NEK11: variants seen among roughly 807,000 people sequenced by gnomAD.
The protein encoded by NEK11 is serine/threonine-protein kinase Nek11.
In NEK11, 72 loss-of-function variants were observed where a neutral mutation model predicts 80.7. That is an observed-to-expected ratio of 0.89 (90% CI 0.74 to 1.08). The LOEUF is 1.08. Ranked by LOEUF, NEK11 falls within the 50% of genes least tolerant of loss-of-function variation. NEK11 has a pLI of 0.00. For missense variants in NEK11, 764 were observed against 763.6 expected (o/e 1.00, Z -0.01); for synonymous variants, 251 against 260.7 (o/e 0.96, Z 0.36).
At chr3:131,299,697 G>T (rs2096640007) in intron 17 of NEK11, among the ~76,000 whole-genome samples, 1 of 152,164 alleles carries the variant, frequency 6.6e-6, no homozygotes. Context: ...TTACTGCAAA[G>T]GATATGATCT....
At chr3:131,256,223 A>G (rs1035099231) in intron 16 of NEK11, among the ~76,000 whole-genome samples, 22 of 152,298 alleles carry the variant, frequency 1.4e-4, no homozygotes, top group African/African-American at 5.1e-4. Flanking sequence ...TGTTCTTACC[A>G]CGATGAAATG....
At chr3:131,249,485 G>A (rs1299628898) in intron 16 of NEK11, among the ~76,000 whole-genome samples, 1 of 152,080 alleles carries the variant, frequency 6.6e-6, no homozygotes, top group African/African-American at 2.4e-5. Flanking sequence ...CCACAGTCAA[G>A]ACAGAAGAAA....
At chr3:131,137,037 C>T (rs1447760231) in intron 7 of NEK11, among the ~76,000 whole-genome samples, 2 of 152,142 alleles carry the variant, frequency 1.3e-5, no homozygotes, top group African/African-American at 2.4e-5. Context: ...TTGTAGCCCC[C>T]ATATTCTTTG....
intron 17 of NEK11, among the ~76,000 whole-genome samples, chr3:131,302,284 C>A (rs2096669965): frequency 6.6e-6 from 1 of 151,654 alleles, no homozygotes; most frequent in Non-Finnish European, 1.5e-5. Flanking sequence ...GTGTATCAGT[C>A]TTATTTACTC....
chr3:131,158,380 G>A (rs1483544430), intron 10 of NEK11, among the ~76,000 whole-genome samples: 1 of 152,102 alleles, frequency 6.6e-6, no homozygotes, highest in Non-Finnish European at 1.5e-5. Context: ...ACACTGCCCT[G>A]CTACTGCTGC....
chr3:131,317,774 AAGG>A (rs1211307501), intron 17 of NEK11, among the ~76,000 whole-genome samples: 1,820 of 108,778 alleles, frequency 0.017, 61 homozygotes, highest in African/African-American at 0.066. Flanking sequence ...GAAGAAGGAG[AAGG>A]AGGAGGAGGA....
At position 131,205,082 on chromosome 3, in the gene NEK11, T is replaced by C. The variant is rs924349194; in HGVS notation, c.1400-23446T>C. Among the ~76,000 whole-genome samples, 4 of 152,138 alleles carry C rather than the reference T, an allele frequency of 2.6e-5. No individual in the cohort carries two copies. The East Asian group carries it at 7.7e-4, about 29-fold the overall frequency. Reference sequence around the variant, plus strand: ...CTGGCGATAGGGATGAAGGTAAGACTCACCATCCTTAGGAAACTAACCTCT... The same window carrying C: ...CTGGCGATAGGGATGAAGGTAAGACCCACCATCCTTAGGAAACTAACCTCT... On this transcript the variant is annotated intron_variant, in intron 14 of 17. Transcript: ENST00000383366.
intron 3 of NEK11, among the ~76,000 whole-genome samples, chr3:131,035,074 T>C (rs978989692): frequency 1.4e-4 from 22 of 152,162 alleles, no homozygotes; most frequent in Admixed American, 9.2e-4. Context: ...AGGCATTTTT[T>C]CCCCCTCTAT....
intron 16 of NEK11, among the ~76,000 whole-genome samples, chr3:131,256,275 G>T (rs779210099): frequency 7.9e-5 from 12 of 152,038 alleles, no homozygotes; most frequent in Non-Finnish European, 8.8e-5. Context: ...ACACTGATTT[G>T]ATTTTTATAC....
intron 15 of NEK11, among the ~76,000 whole-genome samples, chr3:131,237,220 A>G (rs530219532): frequency 6.6e-6 from 1 of 152,198 alleles, no homozygotes; most frequent in East Asian, 1.9e-4. Context: ...TGGTGGCACT[A>G]AGCTACTTGG....
chr3:131,198,413 G>A (rs967769917), intron 14 of NEK11, among the ~76,000 whole-genome samples: 42 of 152,268 alleles, frequency 2.8e-4, no homozygotes, highest in African/African-American at 9.1e-4. Flanking sequence ...GCACAAGTGC[G>A]CAGTCACAGC....
chr3:131,066,854 A>G (rs199865694), intron 3 of NEK11, among the ~76,000 whole-genome samples: 22 of 151,242 alleles, frequency 1.5e-4, no homozygotes, highest in African/African-American at 4.1e-4. Context: ...AAAAAAAAAA[A>G]AAAAGAAAAG....
At chr3:131,280,051 T>C (rs1249941042) in intron 17 of NEK11, among the ~76,000 whole-genome samples, 4 of 152,160 alleles carry the variant, frequency 2.6e-5, no homozygotes, top group Non-Finnish European at 1.5e-5. Flanking sequence ...TCTATTGAGA[T>C]TTCTAGGGAT....
At chr3:131,295,037 A>G (rs1210841605) in intron 17 of NEK11, among the ~76,000 whole-genome samples, 1 of 151,992 alleles carries the variant, frequency 6.6e-6, no homozygotes, top group Non-Finnish European at 1.5e-5. Context: ...CACCCTGACA[A>G]TTTCTGTCTT....
rs1351824827 is a variant in NEK11, at chr3:131,298,273, G to A, written c.1718+24699G>A. Among the ~76,000 whole-genome samples, 6 of 152,020 alleles carry A rather than the reference G, an allele frequency of 3.9e-5. 1 individual carries two copies. Among genetic ancestry groups the A allele is most frequent in the Admixed American group, 2.0e-4 (3 of 15,248 alleles). The stretch of plus-strand genomic sequence containing the variant: ...CCTTGGGCAGTATGGCCATTTTCAC[G>A]ATATTGATTCTTCCTACCCATGAGC... On this transcript the variant is annotated intron_variant, in intron 17 of 17. Transcript: ENST00000383366.
intron 17 of NEK11, among the ~76,000 whole-genome samples, chr3:131,335,328 A>C (rs2097162923): frequency 6.6e-6 from 1 of 152,232 alleles, no homozygotes; most frequent in African/African-American, 2.4e-5. Context: ...GCAAATCAAT[A>C]AATGTAATCC....
At chr3:131,175,949 A>G (rs1490644449) in intron 14 of NEK11, among the ~76,000 whole-genome samples, 1 of 152,216 alleles carries the variant, frequency 6.6e-6, no homozygotes, top group Non-Finnish European at 1.5e-5. Context: ...CCAGAAGGTG[A>G]TCACAGGGTT....
chr3:131,040,065 A>T (rs2066245533), intron 3 of NEK11, among the ~76,000 whole-genome samples: 1 of 152,222 alleles, frequency 6.6e-6, no homozygotes, highest in African/African-American at 2.4e-5. Flanking sequence ...GCATTGTATA[A>T]ATAATGTTAT....
chr3:131,075,588 C>T (rs1174165197), intron 3 of NEK11, among the ~76,000 whole-genome samples: 1 of 152,056 alleles, frequency 6.6e-6, no homozygotes, highest in Non-Finnish European at 1.5e-5. Flanking sequence ...AACTTTAAAA[C>T]AGGATGTTTT....
Sources: gnomAD v4.1 joint callset for allele counts (sites outside exome capture counted in the v4.1 genomes callset) on GRCh38, gnomAD v4.1.1 for gene constraint, MANE v1.5 for transcripts, NCBI Gene and HGNC (gene_info 2026-07-23, HGNC 2026-07-21) for gene names.